The following UBAP2 variants were observed in gnomAD, a reference collection of about 807,000 sequenced individuals.
UBAP2 encodes the protein ubiquitin-associated protein 2.
A neutral mutation model predicts 139.6 loss-of-function variants in UBAP2; 75 were observed. The ratio of observed to expected loss-of-function variants is 0.54; its 90% CI spans 0.45 to 0.65. The LOEUF (loss-of-function observed/expected upper bound fraction) is 0.65. Ranked by LOEUF, UBAP2 falls within the 30% of genes least tolerant of loss-of-function variation. The pLI is 0.00. For missense variants in UBAP2, 1,368 were observed against 1,369.6 expected, an observed-to-expected ratio of 1.00 and a Z score of 0.02; for synonymous variants, 526 against 526.2, an observed-to-expected ratio of 1.00 and a Z score of 0.01.
chr9:33,963,532 T>A (rs530951251), intron 9 of UBAP2, among the ~76,000 whole-genome samples, 194 bp downstream of exon 9: 1 of 152,332 alleles, frequency 6.6e-6, no homozygotes, highest in Admixed American at 6.5e-5. Flanking sequence ...ATGAAAATTC[T>A]GTGGCACCTT....
intron 1 of UBAP2, among the ~76,000 whole-genome samples, chr9:34,034,693 T>C (rs897563165): frequency 1.1e-4 from 16 of 152,066 alleles, no homozygotes; most frequent in Non-Finnish European, 1.6e-4. Context: ...GCTAACATGG[T>C]GAAACCCTGT....
chr9:33,985,467 G>T (rs307703), intron 6 of UBAP2, among the ~76,000 whole-genome samples: 5 of 151,982 alleles, frequency 3.3e-5, no homozygotes, highest in Non-Finnish European at 5.9e-5. Flanking sequence ...TATATTTACA[G>T]GTTGGAATAC....
chr9:34,020,182 A>AAC (rs1824802711), intron 1 of UBAP2, among the ~76,000 whole-genome samples: 1 of 151,536 alleles, frequency 6.6e-6, no homozygotes, highest in Non-Finnish European at 1.5e-5. Context: ...CTAAGAGATA[A>AAC]ACACACACAT....
chr9:33,993,196 T>C (rs972435196), intron 4 of UBAP2, among the ~76,000 whole-genome samples: 1 of 152,220 alleles, frequency 6.6e-6, no homozygotes, highest in African/African-American at 2.4e-5. Flanking sequence ...CTTAACACCT[T>C]TTCCAAGTAA....
chr9:34,042,960 C>CAGG (rs1827228518), intron 1 of UBAP2, among the ~76,000 whole-genome samples: 1 of 151,786 alleles, frequency 6.6e-6, no homozygotes, highest in Non-Finnish European at 1.5e-5. Context: ...CCAAGCTACT[C>CAGG]AGGAGGCTGA....
intron 16 of UBAP2, among the ~76,000 whole-genome samples, chr9:33,936,878 C>T (rs72727341): frequency 2.2e-5 from 3 of 136,986 alleles, no homozygotes; most frequent in Non-Finnish European, 4.6e-5. Context: ...GAACTGCTTG[C>T]GCCCAGGAGT....
intron 1 of UBAP2, among the ~76,000 whole-genome samples, chr9:34,029,800 C>T (rs908566428): frequency 1.3e-5 from 2 of 149,724 alleles, no homozygotes; most frequent in African/African-American, 4.9e-5. Flanking sequence ...TCAGCCTGGC[C>T]AACATGGTGA....
At chr9:34,017,704 A>T (rs963975034) in intron 1 of UBAP2, among the ~76,000 whole-genome samples, 3 of 152,268 alleles carry the variant, frequency 2.0e-5, no homozygotes, top group Non-Finnish European at 2.9e-5. Context: ...AGGCAGGCAG[A>T]TCATGAGGTC....
In UBAP2 at chr9:33,926,999, G is replaced by A. The variant is rs1208681786; in HGVS notation, c.2453C>T (p.Pro818Leu). Reference protein sequence around the residue: ...QYLVGPGGLLPAYPIYGYDEL... With the variant: ...QYLVGPGGLLLAYPIYGYDEL... ...CCGCCATACACTCACCGGGTAGGCA[G>A]GAAGCAGTCCTCCGGGACCTACGAG... Residue 818 changes from proline to leucine, a missense_variant, in exon 21 of 29, where the codon CCT becomes CTT. Coordinates refer to ENST00000379238, the MANE Select transcript of UBAP2 (RefSeq NM_001370062.2). 1.2e-6 allele frequency: 2 copies of A among 1,613,984 alleles called. No individual in the cohort carries two copies. Among genetic ancestry groups the A allele is most frequent in the South Asian group, 1.1e-5 (1 of 91,086 alleles).
intron 2 of UBAP2, among the ~76,000 whole-genome samples, chr9:34,016,306 GAGGAGGAAGAGA>G (rs1554690816): frequency 8.1e-6 from 1 of 124,106 alleles, no homozygotes; most frequent in Non-Finnish European, 1.7e-5. Context: ...AGAGGAGGAA[GAGGAGGAAGAGA>G]AGGAGGAAGA....
At position 33,926,555 on chromosome 9, in the gene UBAP2, AAG is replaced by A. The variant is rs907168593; in HGVS notation, c.2511+60_2511+61del. On this transcript the variant is annotated intron_variant, in intron 22 of 28. Coordinates refer to ENST00000379238, the MANE Select transcript of UBAP2 (RefSeq NM_001370062.2). ...CAGAGAGTGTGGCAGCCAAGACCAT[AAG>A]AGGGGGGACATGTAAAAGATTCTGA... 105 of 1,584,528 alleles carry A rather than the reference AAG, an allele frequency of 6.6e-5. 1 individual carries two copies. In the Middle Eastern group the frequency reaches 1.0e-3, roughly 15 times the overall value.
chr9:34,004,137 T>C (rs1452102149), intron 2 of UBAP2, among the ~76,000 whole-genome samples: 1 of 152,182 alleles, frequency 6.6e-6, no homozygotes, highest in Non-Finnish European at 1.5e-5. Flanking sequence ...GCACAAAGGC[T>C]ATAAAGATAT....
chr9:33,998,985 GAC>G (rs1199562473), intron 2 of UBAP2, 121 bp from the exon 3 acceptor site: 3 of 737,074 alleles, frequency 4.1e-6, no homozygotes, highest in African/African-American at 3.5e-5. Context: ...ACAAATAAAA[GAC>G]AGTGAATTTA....
Position 33,926,650 on chromosome 9 carries a change from G to T in UBAP2, c.2478C>A (p.Asp826Glu), listed in dbSNP as rs757395958. 1.2e-6 allele frequency: 2 copies of T among 1,614,172 alleles called. No homozygotes were observed. Among genetic ancestry groups the T allele is most frequent in the Non-Finnish European group, 1.7e-6 (2 of 1,180,024 alleles). Residue 826 changes from aspartate (D) to glutamate (E), a missense_variant, in exon 22 of 29, where the codon GAC (aspartate) becomes GAA (glutamate). Physicochemically the swap from Asp to Glu is conservative, Grantham distance 45 (BLOSUM62 2). Transcript: ENST00000379238. ...GCCGTGACTGCAGCATCTGGAGCTCGTCATAGCCATAGATCTGTGTGAGAA... is the reference window on the plus strand; with the variant it reads ...GCCGTGACTGCAGCATCTGGAGCTCTTCATAGCCATAGATCTGTGTGAGAA... ...LLPAYPIYGY[D>E]ELQMLQSRLP...
chr9:33,978,347 C>T (rs1176073877), intron 6 of UBAP2, among the ~76,000 whole-genome samples: 1 of 151,826 alleles, frequency 6.6e-6, no homozygotes, highest in Non-Finnish European at 1.5e-5. Flanking sequence ...TCACCCTGGG[C>T]AACAGAGCAA....
At chr9:33,932,844 A>G (rs570584072) in intron 18 of UBAP2, among the ~76,000 whole-genome samples, 239 of 152,352 alleles carry the variant, frequency 1.6e-3, no homozygotes, top group African/African-American at 5.6e-3. Context: ...CTCCAGAGCC[A>G]GCTTCCCTCA....
chr9:34,042,690 G>A (rs1034737358), intron 1 of UBAP2, among the ~76,000 whole-genome samples: 3 of 151,948 alleles, frequency 2.0e-5, no homozygotes, highest in Non-Finnish European at 4.4e-5. Context: ...CAAGGAAAGC[G>A]AAAAGAAATG....
intron 2 of UBAP2, among the ~76,000 whole-genome samples, chr9:33,999,732 G>A (rs1017037620): frequency 4.6e-5 from 7 of 151,844 alleles, no homozygotes; most frequent in Admixed American, 1.3e-4. Context: ...CTTTTTTTGA[G>A]ATGGAGCCTC....
intron 6 of UBAP2, among the ~76,000 whole-genome samples, chr9:33,982,565 G>A (rs547570178): frequency 1.5e-4 from 23 of 152,284 alleles, no homozygotes; most frequent in African/African-American, 5.5e-4. Flanking sequence ...TTTGCATTCT[G>A]TTCCTATTCA....
Sources: gnomAD v4.1 joint callset for allele counts (sites outside exome capture counted in the v4.1 genomes callset) on GRCh38, gnomAD v4.1.1 for gene constraint, MANE v1.5 for transcripts, NCBI Gene and HGNC (gene_info 2026-07-23, HGNC 2026-07-21) for gene names.